The following FAM221B variants were observed in gnomAD, a reference collection of about 807,000 sequenced individuals.
FAM221B encodes family with sequence similarity 221 member B.
In FAM221B, 35 loss-of-function variants were observed where a neutral mutation model predicts 39.8. The observed-to-expected ratio is 0.88, with a 90% CI of 0.67 to 1.17. The LOEUF (loss-of-function observed/expected upper bound fraction) is 1.17. Ranked by LOEUF, FAM221B falls within the 50% of genes most tolerant of loss-of-function variation. The probability of loss-of-function intolerance (pLI) is 0.00; values close to 1 mark genes in which losing one functional copy is unlikely to be tolerated. For missense variants in FAM221B, 479 were observed against 503.1 expected, an observed-to-expected ratio of 0.95 and a Z score of 0.46; for synonymous variants, 158 against 178.1, an observed-to-expected ratio of 0.89 and a Z score of 0.90.
intron 3 of FAM221B, chr9:35,821,349 A>G (rs1040663595): frequency 1.0e-6 from 1 of 977,730 alleles, no homozygotes. Context: ...CCATAACATG[A>G]ATAAGGAGAG....
intron 1 of FAM221B, among the ~76,000 whole-genome samples, 156 bp from the exon 2 acceptor site, chr9:35,826,317 G>C (rs973250493): frequency 1.3e-5 from 2 of 152,206 alleles, no homozygotes; most frequent in African/African-American, 2.4e-5. Context: ...CTGGGTCCTA[G>C]AGTGTGATGC....
At position 35,820,001 on chromosome 9, in the gene FAM221B, C is replaced by T. The variant is rs760149551; in HGVS notation, c.743-1G>A. On this transcript the variant is annotated splice_acceptor_variant, in intron 3 of 6. Coordinates refer to ENST00000423537, the MANE Select transcript of FAM221B (RefSeq NM_001012446.4). LOFTEE classifies it high-confidence loss of function. ...GGGCAGCGCCAGCCAATGTAGAGAC[C>T]TAGGTATGCAGGATTAAAAGTGAGA... 1.9e-5 allele frequency: 30 copies of T among 1,607,714 alleles called. No individual in the cohort carries two copies. Among genetic ancestry groups the T allele is most frequent in the South Asian group, 1.1e-5 (1 of 90,908 alleles).
chr9:35,826,720 T>C (rs1235414121), intron 1 of FAM221B: 1 of 154,084 alleles, frequency 6.5e-6, no homozygotes, highest in Non-Finnish European at 1.4e-5. Context: ...TCCAGTTGTG[T>C]ACCAATGACT....
Position 35,817,027 on chromosome 9 carries a change from G to A in FAM221B, c.*1442C>T, listed in dbSNP as rs117092705. On this transcript the variant is annotated 3_prime_UTR_variant, in exon 7 of 7. Transcript: ENST00000423537. ...AGTCTGGAGGATAGGTGGATACAAA[G>A]CACTTTGAAATTAGTTATTTCTTTG... 6.6e-6 allele frequency: 1 copy of A among 152,252 alleles called. No homozygotes were observed. The highest frequency in any genetic ancestry group is 1.5e-5 in the Non-Finnish European group (1 of 68,040). 9.4% of individuals were successfully genotyped at this position (152,252 alleles called of 1,614,324 possible).
At position 35,828,568 on chromosome 9, in the gene FAM221B, A is replaced by T. The variant is rs1829532252; in HGVS notation, c.-106T>A. ...AGGGAGGAAAGGCTCTTGGTTGTGG[A>T]TGTGCCTCAGCTGCAGGTGCTGAGT... On this transcript the variant is annotated 5_prime_UTR_variant, in exon 1 of 7. Coordinates refer to ENST00000423537, the MANE Select transcript of FAM221B (RefSeq NM_001012446.4). This position sits in a 1 kb window ranked among gnomAD's most constrained non-coding sequence, Gnocchi z 4.5. 1 of 985,440 alleles carries T rather than the reference A, an allele frequency of 1.0e-6. No homozygotes were observed. The highest frequency in any genetic ancestry group is 1.7e-5 in the African/African-American group (1 of 57,312). 61.0% of individuals were successfully genotyped at this position (985,440 alleles called of 1,614,324 possible). A position where few individuals can be genotyped will look rare whatever the true frequency, so the allele number is the denominator to read the frequency against.
rs963618489 is a variant in FAM221B, at chr9:35,819,387, C to T, written c.861G>A (p.Ser287=). 8.4e-6 allele frequency: 13 copies of T among 1,551,248 alleles called. No individual in the cohort carries two copies. The highest frequency in any genetic ancestry group is 8.3e-5 in the South Asian group (7 of 84,052). The part of the protein sequence containing the change: ...LREHRIISDI[S]VPCKVSQCRC... ...GGCACTGGCTTACCTTGCAGGGCAC[C>T]GATATGTCTGTGGGATTGGGGATGG... The change falls in exon 5 of 7, where the codon TCG becomes TCA. Residue 287 remains serine, a synonymous_variant. Coordinates refer to ENST00000423537, the MANE Select transcript of FAM221B (RefSeq NM_001012446.4).
In FAM221B at chr9:35,825,827, G is replaced by A. The variant is rs769313709; in HGVS notation, c.335C>T (p.Ser112Leu). ...AGAAGACAGACAGACATAGTCTCGT[G>A]ATTGGGGAGGAAGAGTAAGGTGTTT... ...PEKHLTLPPQ[S>L]RDYVCLSSSD... The change falls in exon 2 of 7, where the codon TCA (serine) becomes TTA (leucine). Residue 112 changes from serine to leucine, a missense_variant. By Grantham distance (145) the Ser-to-Leu change is moderately radical. Transcript: ENST00000423537. This position sits in a 1 kb window ranked among gnomAD's most constrained non-coding sequence, Gnocchi z 4.2. 2 of 1,614,066 alleles carry A rather than the reference G, an allele frequency of 1.2e-6. No individual in the cohort carries two copies. Among genetic ancestry groups the A allele is most frequent in the African/African-American group, 2.7e-5 (2 of 74,912 alleles).
Position 35,819,876 on chromosome 9 carries a change from C to A in FAM221B, c.853+14G>T. ...TCCTCCACACTCGAGAGGGGCTGGT[C>A]AGTTCTCCCCTACCTGAGATGATCC... On this transcript the variant is annotated intron_variant, in intron 4 of 6. Transcript: ENST00000423537. 1 of 1,487,258 alleles carries A rather than the reference C, an allele frequency of 6.7e-7. No individual in the cohort carries two copies. The highest frequency in any genetic ancestry group is 1.1e-5 in the South Asian group (1 of 88,894). 92.1% of individuals were successfully genotyped at this position (1,487,258 alleles called of 1,614,324 possible). A position where few individuals can be genotyped will look rare whatever the true frequency, so the allele number is the denominator to read the frequency against.
At position 35,825,378 on chromosome 9, in the gene FAM221B, G is replaced by A. The variant is rs1387866239; in HGVS notation, c.599-5C>T. 1.9e-6 allele frequency: 3 copies of A among 1,613,958 alleles called. No individual in the cohort carries two copies. The highest frequency in any genetic ancestry group is 2.5e-6 in the Non-Finnish European group (3 of 1,180,028). On this transcript the variant is annotated splice_region_variant and splice_polypyrimidine_tract_variant and intron_variant, in intron 2 of 6. Coordinates refer to ENST00000423537, the MANE Select transcript of FAM221B (RefSeq NM_001012446.4). The surrounding 1 kb of genome is among the most constrained non-coding windows in gnomAD (Gnocchi z 4.2). The stretch of plus-strand genomic sequence containing the variant: ...ACACTGGGCGGGCTGTGTTACCTAG[G>A]ATGGGAGAGGATGAGTAACCAGGGG...
chr9:35,826,267 A>G (rs1829354881), intron 1 of FAM221B, 106 bp from the exon 2 acceptor site: 2 of 826,322 alleles, frequency 2.4e-6, no homozygotes, highest in Non-Finnish European at 3.9e-6. Flanking sequence ...GGATAAGGAT[A>G]TCAGTGCAGC....
intron 3 of FAM221B, among the ~76,000 whole-genome samples, chr9:35,823,167 C>T (rs1829189385): frequency 6.6e-6 from 1 of 152,200 alleles, no homozygotes; most frequent in Non-Finnish European, 1.5e-5. Context: ...TCATTCCTTC[C>T]AAGGCTTACT....
intron 4 of FAM221B, 96 bp downstream of exon 4, chr9:35,819,794 C>T (rs970847309): frequency 6.8e-5 from 57 of 840,468 alleles, no homozygotes; most frequent in Non-Finnish European, 8.7e-5. Flanking sequence ...GGTGAGCCAC[C>T]GTGCCCAGCC....
At position 35,818,441 on chromosome 9, in the gene FAM221B, C is replaced by T. The variant is rs1345256348; in HGVS notation, c.*28G>A. 3 of 1,550,968 alleles carry T rather than the reference C, an allele frequency of 1.9e-6. No homozygotes were observed. The highest frequency in any genetic ancestry group is 1.4e-5 in the African/African-American group (1 of 73,026). ...AGAGCCAAGTCAGGTTCCAATGACT[C>T]CTCTTTTATTGCTGATCTGGGCCAG... On this transcript the variant is annotated 3_prime_UTR_variant, in exon 7 of 7. Transcript: ENST00000423537.
At chr9:35,826,562 T>TA (rs1249643150) in intron 1 of FAM221B, among the ~76,000 whole-genome samples, 1 of 152,142 alleles carries the variant, frequency 6.6e-6, no homozygotes, top group African/African-American at 2.4e-5. Context: ...AGACTGGCAA[T>TA]ACCAAGCCAA....
intron 3 of FAM221B, among the ~76,000 whole-genome samples, chr9:35,822,599 G>C (rs891841824): frequency 6.6e-6 from 1 of 152,058 alleles, no homozygotes; most frequent in Non-Finnish European, 1.5e-5. Flanking sequence ...AATAGAGACG[G>C]GGTTTCACCA....
chr9:35,828,502 A>G lies in FAM221B; in HGVS notation c.-40T>C. 1 of 985,464 alleles carries G rather than the reference A, an allele frequency of 1.0e-6. No homozygotes were observed. 61.0% of individuals were successfully genotyped at this position (985,464 alleles called of 1,614,324 possible). A position where few individuals can be genotyped will look rare whatever the true frequency, so the allele number is the denominator to read the frequency against. On this transcript the variant is annotated 5_prime_UTR_variant, in exon 1 of 7. Transcript: ENST00000423537. The surrounding 1 kb of genome is among the most constrained non-coding windows in gnomAD (Gnocchi z 4.5). ...CTTGGTTGTTACAAGTCCTTAGGTC[A>G]AGACCTTGACTTAGGATGGCAGGGG...
intron 1 of FAM221B, among the ~76,000 whole-genome samples, chr9:35,827,708 A>C (rs990043397): frequency 2.0e-5 from 3 of 152,214 alleles, no homozygotes; most frequent in Non-Finnish European, 4.4e-5. Flanking sequence ...AAGGCCTGTC[A>C]TCATTTTCAA....
chr9:35,825,913 A>G lies in FAM221B; in HGVS notation c.249T>C (p.Thr83=). Residue 83 remains threonine (T), a synonymous_variant, in exon 2 of 7, where the codon ACT becomes ACC. Transcript: ENST00000423537. This position sits in a 1 kb window ranked among gnomAD's most constrained non-coding sequence, Gnocchi z 4.2. ...CCTCATAGGTAGGGGTCTCTGAAGG[A>G]GTCTCAGAGATGGAAGGCTCCTGAT... ...ETHQEPSISE[T]PSETPTYEAS... 1 of 1,613,694 alleles carries G rather than the reference A, an allele frequency of 6.2e-7. No individual in the cohort carries two copies.
Position 35,819,998 on chromosome 9 carries a change from G to T in FAM221B, c.745C>A (p.Leu249Ile). The stretch of plus-strand genomic sequence containing the variant: ...TGGGGGCAGCGCCAGCCAATGTAGA[G>T]ACCTAGGTATGCAGGATTAAAAGTG... ...DAALNAIQTG[L>I]YIGWRCPHYL... Residue 249 changes from leucine (L) to isoleucine (I), a missense_variant and splice_region_variant, in exon 4 of 7, where the codon CTC becomes ATC. Transcript: ENST00000423537. 6.2e-7 allele frequency: 1 copy of T among 1,609,572 alleles called. No individual in the cohort carries two copies. The highest frequency in any genetic ancestry group is 8.5e-7 in the Non-Finnish European group (1 of 1,175,906).
Sources: gnomAD v4.1 joint callset for allele counts (sites outside exome capture counted in the v4.1 genomes callset) on GRCh38, gnomAD v4.1.1 for gene constraint, Gnocchi (gnomAD v3.1) non-coding constraint, MANE v1.5 for transcripts, NCBI Gene and HGNC (gene_info 2026-07-23, HGNC 2026-07-21) for gene names.